NDST4: variants seen among roughly 807,000 people sequenced by gnomAD.
NDST4 encodes the protein N-deacetylase and N-sulfotransferase 4, also known as N-heparan sulfate sulfotransferase 4.
NDST4 carries 63 observed loss-of-function variants against 100.8 expected under a neutral mutation model. The observed-to-expected ratio is 0.62, with a 90% CI of 0.51 to 0.77. NDST4 has a LOEUF of 0.77. Ranked by LOEUF, NDST4 falls within the 30% of genes least tolerant of loss-of-function variation. The pLI, the probability that NDST4 is intolerant of heterozygous loss-of-function variation, is 0.00. For synonymous variants in NDST4, 377 were observed against 361.8 expected (o/e 1.04, Z -0.48); for missense variants, 943 against 1,018.4 (o/e 0.93, Z 1.01).
chr4:114,887,590 G>A (rs2389043), intron 6 of NDST4, among the ~76,000 whole-genome samples: 35,712 of 150,176 alleles, frequency 0.24, 5,972 homozygotes, highest in African/African-American at 0.48. Context: ...TGGCACAAAA[G>A]CAAACAGACA....
chr4:115,017,597 C>T (rs968126543), intron 2 of NDST4, among the ~76,000 whole-genome samples: 1 of 152,006 alleles, frequency 6.6e-6, no homozygotes, highest in Non-Finnish European at 1.5e-5. Flanking sequence ...TATAAACTTG[C>T]TTTTCCTTTG....
At chr4:115,067,495 C>A (rs1372448121) in intron 2 of NDST4, among the ~76,000 whole-genome samples, 1 of 151,874 alleles carries the variant, frequency 6.6e-6, no homozygotes, top group Admixed American at 6.6e-5. Context: ...TTTCTAAAGA[C>A]ACAAACTTAG....
At chr4:115,102,353 A>G (rs1366533895) in intron 1 of NDST4, among the ~76,000 whole-genome samples, 1 of 152,174 alleles carries the variant, frequency 6.6e-6, no homozygotes, top group Admixed American at 6.5e-5. Context: ...TTATGCATAA[A>G]TAAAGGAGAG....
At chr4:115,104,920 T>TA (rs1332364530) in intron 1 of NDST4, among the ~76,000 whole-genome samples, 4 of 152,132 alleles carry the variant, frequency 2.6e-5, no homozygotes, top group Admixed American at 1.3e-4. Flanking sequence ...ACTATTAATT[T>TA]AAAATCTCAT....
chr4:115,078,251 G>A (rs1241192161), intron 1 of NDST4, among the ~76,000 whole-genome samples: 1 of 152,116 alleles, frequency 6.6e-6, no homozygotes, highest in East Asian at 1.9e-4. Context: ...TCCAATCATG[G>A]TAGAAGGCAA....
chr4:115,059,218 C>A (rs774873108), intron 2 of NDST4, among the ~76,000 whole-genome samples: 53 of 151,744 alleles, frequency 3.5e-4, no homozygotes, highest in Non-Finnish European at 6.6e-4. Flanking sequence ...TTAATCATAA[C>A]CAAAGAAAAC....
intron 1 of NDST4, among the ~76,000 whole-genome samples, chr4:115,093,725 G>C (rs1729566817): frequency 1.3e-5 from 2 of 151,864 alleles, no homozygotes; most frequent in African/African-American, 4.8e-5. Flanking sequence ...ACTAGAAAAT[G>C]CTCCTGTATT....
intron 8 of NDST4, among the ~76,000 whole-genome samples, chr4:114,852,514 G>C (rs1311264602): frequency 6.6e-6 from 1 of 152,116 alleles, no homozygotes; most frequent in Non-Finnish European, 1.5e-5. Flanking sequence ...AGAATTTAGT[G>C]TTTAAGGCTA....
rs1192536720 is a variant in NDST4, at chr4:114,986,828, A to ATTTT, written c.979-9555_979-9554insAAAA. On this transcript the variant is annotated intron_variant, in intron 2 of 13. Transcript: ENST00000264363. Reference sequence around the variant, plus strand: ...TATATATATATATATATATATATATATATATTTTAATATACTATTCCTATA... The same window carrying ATTTT: ...TATATATATATATATATATATATATATTTTTATATTTTAATATACTATTCCTATA... Among the ~76,000 whole-genome samples the ATTTT allele has an allele frequency of 8.2e-4, 92 of 112,850 alleles. 5 individuals are homozygous for ATTTT. The highest frequency in any genetic ancestry group is 3.1e-3 in the African/African-American group (87 of 28,092). The allele number at this position is 112,850 out of a possible 152,430, so 74.0% of individuals were successfully genotyped here.
intron 6 of NDST4, among the ~76,000 whole-genome samples, chr4:114,924,159 C>A (rs1417865898): frequency 6.6e-6 from 1 of 152,060 alleles, no homozygotes; most frequent in Non-Finnish European, 1.5e-5. Context: ...CTGAACTACT[C>A]ATTTTTAAAT....
chr4:114,976,311 A>T (rs1726632182), intron 3 of NDST4, among the ~76,000 whole-genome samples: 1 of 152,054 alleles, frequency 6.6e-6, no homozygotes, highest in Admixed American at 6.6e-5. Flanking sequence ...AAACAAAGCA[A>T]TCAGTTCACA....
At chr4:115,087,945 T>C (rs891505240) in intron 1 of NDST4, among the ~76,000 whole-genome samples, 3 of 152,014 alleles carry the variant, frequency 2.0e-5, no homozygotes, top group Non-Finnish European at 4.4e-5. Context: ...TTTCTTTCTA[T>C]ATTTTTCTGT....
intron 1 of NDST4, among the ~76,000 whole-genome samples, chr4:115,077,485 A>G (rs886763327): frequency 8.5e-5 from 13 of 152,186 alleles, no homozygotes; most frequent in Non-Finnish European, 1.8e-4. Flanking sequence ...CAGAACACAG[A>G]ACCCAATTTT....
At chr4:114,994,873 G>C in intron 2 of NDST4, among the ~76,000 whole-genome samples, 1 of 151,982 alleles carries the variant, frequency 6.6e-6, no homozygotes, top group East Asian at 1.9e-4. Flanking sequence ...ATGACAGGCT[G>C]AATGAAGGGA....
chr4:114,840,626 A>G (rs2126183766), intron 10 of NDST4, among the ~76,000 whole-genome samples: 1 of 152,334 alleles, frequency 6.6e-6, no homozygotes, highest in East Asian at 1.9e-4. Context: ...CACCAAACAC[A>G]TATGAAAACT....
intron 6 of NDST4, among the ~76,000 whole-genome samples, chr4:114,896,036 G>T (rs1724706178): frequency 6.6e-6 from 1 of 151,964 alleles, no homozygotes; most frequent in South Asian, 2.1e-4. Context: ...AAAGCCTAAA[G>T]AATGTGATTC....
intron 2 of NDST4, among the ~76,000 whole-genome samples, chr4:115,018,920 A>G (rs940222378): frequency 2.6e-5 from 4 of 152,018 alleles, no homozygotes; most frequent in African/African-American, 9.7e-5. Flanking sequence ...TGCAAAATAT[A>G]ATTTTCTTGG....
At chr4:114,877,409 G>C (rs1337102502) in intron 6 of NDST4, among the ~76,000 whole-genome samples, 5 of 152,060 alleles carry the variant, frequency 3.3e-5, no homozygotes, top group Admixed American at 2.6e-4. Flanking sequence ...GCTGATTACT[G>C]ACTCTAGACA....
chr4:115,076,400 C>A lies in NDST4; in HGVS notation c.637G>T (p.Gly213Cys). 6.2e-7 allele frequency: 1 copy of A among 1,613,928 alleles called. No individual in the cohort carries two copies. The highest frequency in any genetic ancestry group is 1.1e-5 in the South Asian group (1 of 91,080). The change falls in exon 2 of 14, where the codon GGC becomes TGC. Residue 213 changes from glycine (G) to cysteine (C), a missense_variant. By Grantham distance (159) the Gly-to-Cys change is radical (BLOSUM62 -3). Transcript: ENST00000264363. ...HITKAPKVEK[G>C]PLPGEDWTIF... is the part of the protein sequence containing the mutation. ...GTCCAGTCTTCCCCAGGAAGAGGGCCTTTCTCAACCTTGGGGGCTTTGGTA... is the reference window on the plus strand; with the variant it reads ...GTCCAGTCTTCCCCAGGAAGAGGGCATTTCTCAACCTTGGGGGCTTTGGTA...
Sources: allele counts gnomAD v4.1 joint callset (sites outside exome capture counted in the v4.1 genomes callset), GRCh38; gene constraint gnomAD v4.1.1; transcripts MANE v1.5; gene names NCBI Gene and HGNC (gene_info 2026-07-23, HGNC 2026-07-21).